SRRM3: variants seen among roughly 807,000 people sequenced by gnomAD.
The protein encoded by SRRM3 is serine/arginine repetitive matrix protein 3.
Under a neutral mutation model 66.2 loss-of-function variants are expected in SRRM3, and 27 were observed. The observed-to-expected ratio is 0.41, with a 90% CI of 0.30 to 0.56. The LOEUF (loss-of-function observed/expected upper bound fraction) is 0.56, where lower values mean the gene tolerates loss of function less well. Ranked by LOEUF, SRRM3 falls within the 20% of genes least tolerant of loss-of-function variation. The pLI is 0.32. For missense variants in SRRM3, 918 were observed against 991.9 expected (o/e 0.93, Z 1.00); for synonymous variants, 391 against 414.9 (o/e 0.94, Z 0.70).
Position 76,285,853 on chromosome 7 carries a change from G to A in SRRM3, c.*10G>A. 6.5e-7 allele frequency: 1 copy of A among 1,542,554 alleles called. No homozygotes were observed. ...GAGCGGGGGCTTCTGAGCCCAGACAGACTCAGCTTGGTGCCCCCCTGGCAC... is the reference window on the plus strand; with the variant it reads ...GAGCGGGGGCTTCTGAGCCCAGACAAACTCAGCTTGGTGCCCCCCTGGCAC... On this transcript the variant is annotated 3_prime_UTR_variant, in exon 15 of 15. Transcript: ENST00000611745. The surrounding 1 kb of genome is among the most constrained non-coding windows in gnomAD (Gnocchi z 4.1).
chr7:76,248,670 G>A (rs1181402547), intron 3 of SRRM3, among the ~76,000 whole-genome samples: 1 of 152,172 alleles, frequency 6.6e-6, no homozygotes, highest in East Asian at 1.9e-4. Flanking sequence ...AAGCCCTGAT[G>A]ATTCCCTCCT....
At chr7:76,267,071 G>A (rs1424942245) in intron 10 of SRRM3, among the ~76,000 whole-genome samples, 187 bp from the exon 11 acceptor site, 1 of 152,156 alleles carries the variant, frequency 6.6e-6, no homozygotes, top group Non-Finnish European at 1.5e-5. Context: ...TGGAAATCGA[G>A]GCACAGCCTC....
At chr7:76,255,955 G>A (rs1410415770) in intron 3 of SRRM3, among the ~76,000 whole-genome samples, 4 of 152,032 alleles carry the variant, frequency 2.6e-5, no homozygotes, top group Admixed American at 6.6e-5. Context: ...ACCCCTCCCC[G>A]GATGACAGTC....
At chr7:76,230,605 C>T (rs1554604152) in intron 1 of SRRM3, among the ~76,000 whole-genome samples, 3 of 150,624 alleles carry the variant, frequency 2.0e-5, no homozygotes, top group East Asian at 2.0e-4. Flanking sequence ...GCTATAGTCA[C>T]GCCACTGCAC....
At chr7:76,259,591 A>T (rs1318367920) in intron 3 of SRRM3, among the ~76,000 whole-genome samples, 1 of 151,900 alleles carries the variant, frequency 6.6e-6, no homozygotes, top group Non-Finnish European at 1.5e-5. Context: ...ATTAAAAAAA[A>T]AAAAAAGAGG....
At chr7:76,239,659 C>T (rs1801233866) in intron 2 of SRRM3, among the ~76,000 whole-genome samples, 1 of 152,074 alleles carries the variant, frequency 6.6e-6, no homozygotes, top group African/African-American at 2.4e-5. Context: ...GCTATGATTG[C>T]ACCACTGCAC....
At chr7:76,280,126 A>G (rs1253465895) in intron 11 of SRRM3, among the ~76,000 whole-genome samples, 18 of 150,482 alleles carry the variant, frequency 1.2e-4, no homozygotes, top group Non-Finnish European at 2.4e-4. Context: ...TAAAAAAAAA[A>G]AAAAGAAAAA....
At position 76,258,729 on chromosome 7, in the gene SRRM3, A is replaced by AG. The variant is rs1372122616; in HGVS notation, c.336-1177_336-1176insG. Among the ~76,000 whole-genome samples, 111 of 142,524 alleles carry AG rather than the reference A, an allele frequency of 7.8e-4. 1 individual carries two copies. Among genetic ancestry groups the AG allele is most frequent in the South Asian group, 2.6e-3 (12 of 4,540 alleles). The allele number at this position is 142,524 out of a possible 152,430, so 93.5% of individuals were successfully genotyped here. The stretch of plus-strand genomic sequence containing the variant: ...ACTCCATCTCAAAAAAAAAAAAAAA[A>AG]AAAAGAAAAAGAAAAAGAAAAAAAA... On this transcript the variant is annotated intron_variant, in intron 3 of 14. Coordinates refer to ENST00000611745, the MANE Select transcript of SRRM3 (RefSeq NM_001110199.3).
chr7:76,216,016 T>C (rs1172781919), intron 1 of SRRM3, among the ~76,000 whole-genome samples: 46 of 151,130 alleles, frequency 3.0e-4, no homozygotes, highest in Non-Finnish European at 5.5e-4. Flanking sequence ...ACCGTGTTAG[T>C]CAGGATGGTC....
chr7:76,277,894 T>C (rs1390557501), intron 11 of SRRM3, among the ~76,000 whole-genome samples: 1 of 152,116 alleles, frequency 6.6e-6, no homozygotes, highest in African/African-American at 2.4e-5. Context: ...AAAGATTTCT[T>C]AAAGAAGGAG....
At chr7:76,280,127 A>G (rs1802456039) in intron 11 of SRRM3, among the ~76,000 whole-genome samples, 1 of 150,570 alleles carries the variant, frequency 6.6e-6, no homozygotes, top group Non-Finnish European at 1.5e-5. Flanking sequence ...AAAAAAAAAA[A>G]AAAGAAAAAG....
intron 1 of SRRM3, among the ~76,000 whole-genome samples, chr7:76,209,157 C>T (rs1425532623): frequency 1.3e-5 from 2 of 152,106 alleles, no homozygotes; most frequent in Non-Finnish European, 2.9e-5. Flanking sequence ...GGAGGTCACC[C>T]TTTGAGGGGG....
At chr7:76,263,580 C>T (rs1401960131) in intron 8 of SRRM3, among the ~76,000 whole-genome samples, 9 of 152,072 alleles carry the variant, frequency 5.9e-5, no homozygotes, top group Non-Finnish European at 1.3e-4. Flanking sequence ...GGGAGATTGG[C>T]CAGGCACGGT....
intron 1 of SRRM3, among the ~76,000 whole-genome samples, chr7:76,234,364 A>C (rs1583890374): frequency 6.6e-6 from 1 of 152,276 alleles, no homozygotes; most frequent in African/African-American, 2.4e-5. Context: ...TCACGTCATC[A>C]GAAGCAGTGT....
chr7:76,209,600 T>C (rs1800380514), intron 1 of SRRM3, among the ~76,000 whole-genome samples: 1 of 141,188 alleles, frequency 7.1e-6, no homozygotes, highest in Non-Finnish European at 1.5e-5. Context: ...CTTGAAGAGT[T>C]GGAATTTTTT....
intron 1 of SRRM3, among the ~76,000 whole-genome samples, chr7:76,210,401 C>G (rs1800402650): frequency 6.6e-6 from 1 of 152,198 alleles, no homozygotes; most frequent in Non-Finnish European, 1.5e-5. Flanking sequence ...CCCCAGAAAC[C>G]TCTCTCTTCC....
chr7:76,285,053 T>C lies in SRRM3; in HGVS notation c.1734-562T>C, dbSNP rs1473221223. On this transcript the variant is annotated intron_variant, in intron 14 of 14. Transcript: ENST00000611745. This position sits in a 1 kb window ranked among gnomAD's most constrained non-coding sequence, Gnocchi z 4.1. ...GATGGGAGCTGTCCACATTTGCAAGTTTCATTCATTCAACAAGTTTTTTTT... is the reference window on the plus strand; with the variant it reads ...GATGGGAGCTGTCCACATTTGCAAGCTTCATTCATTCAACAAGTTTTTTTT... Among the ~76,000 whole-genome samples, 1 of 152,084 alleles carries C rather than the reference T, an allele frequency of 6.6e-6. No individual in the cohort carries two copies. Among genetic ancestry groups the C allele is most frequent in the East Asian group, 1.9e-4 (1 of 5,188 alleles).
chr7:76,235,399 G>A, intron 2 of SRRM3, 100 bp downstream of exon 2: 1 of 1,086,640 alleles, frequency 9.2e-7, no homozygotes, highest in Non-Finnish European at 1.3e-6. Context: ...CGTCGTGGGC[G>A]GGGAGAAGGG....
Position 76,285,644 on chromosome 7 carries a change from G to T in SRRM3, c.1763G>T (p.Arg588Leu). 1 of 1,550,900 alleles carries T rather than the reference G, an allele frequency of 6.4e-7. No individual in the cohort carries two copies. Among genetic ancestry groups the T allele is most frequent in the Non-Finnish European group, 8.7e-7 (1 of 1,146,910 alleles). Reference protein sequence around the residue: ...SARKRPIPYYRPSPSSSSSCL... With the variant: ...SARKRPIPYYLPSPSSSSSCL... ...CGCAAGCGTCCTATTCCATACTACC[G>T]GCCCAGCCCCTCTTCCTCCTCCAGC... is the stretch of plus-strand genomic sequence containing the variant. The change falls in exon 15 of 15, where the codon CGG becomes CTG. Residue 588 changes from arginine to leucine, a missense_variant. Coordinates refer to ENST00000611745, the MANE Select transcript of SRRM3 (RefSeq NM_001110199.3). The surrounding 1 kb of genome is among the most constrained non-coding windows in gnomAD (Gnocchi z 4.1).
Sources: gnomAD v4.1 joint callset for allele counts (sites outside exome capture counted in the v4.1 genomes callset) on GRCh38, gnomAD v4.1.1 for gene constraint, Gnocchi (gnomAD v3.1) non-coding constraint, MANE v1.5 for transcripts, NCBI Gene and HGNC (gene_info 2026-07-23, HGNC 2026-07-21) for gene names.